The following GALNT10 variants were observed in gnomAD, a reference collection of about 807,000 sequenced individuals.
GALNT10 encodes the protein GalNAc transferase 10.
Under a neutral mutation model 75.0 loss-of-function variants are expected in GALNT10, and 41 were observed. The observed-to-expected ratio is 0.55, with a 90% confidence interval of 0.43 to 0.71. GALNT10 has a LOEUF of 0.71. Among genes scored for constraint, GALNT10 ranks in the 30% least tolerant of loss-of-function variants. The pLI is 0.00. For synonymous variants in GALNT10, 302 were observed against 313.0 expected (o/e 0.96, Z 0.37); for missense variants, 727 against 818.5 (o/e 0.89, Z 1.36).
chr5:154,298,672 G>A lies in GALNT10; in HGVS notation c.401+593G>A, dbSNP rs1444908188. ...GGTCATAACTCACTTAAGGCTATAAGTTGATTGACAGAATAAGACAGGCCT... is the reference window on the plus strand; with the variant it reads ...GGTCATAACTCACTTAAGGCTATAAATTGATTGACAGAATAAGACAGGCCT... On this transcript the variant is annotated intron_variant, in intron 3 of 11. Transcript: ENST00000297107. The surrounding 1 kb of genome is among the most constrained non-coding windows in gnomAD (Gnocchi z 4.1). Among the ~76,000 whole-genome samples the A allele has an allele frequency of 1.3e-5, 2 of 152,158 alleles. No homozygotes were observed. The highest frequency in any genetic ancestry group is 1.5e-5 in the Non-Finnish European group (1 of 68,032).
chr5:154,337,657 C>T (rs542898913), intron 4 of GALNT10: 4 of 1,002,446 alleles, frequency 4.0e-6, no homozygotes, highest in Non-Finnish European at 6.3e-6. Flanking sequence ...TTGTAGCTTC[C>T]ATCACCTCCA....
intron 3 of GALNT10, among the ~76,000 whole-genome samples, chr5:154,311,494 CTA>C (rs1427200933): frequency 6.6e-6 from 1 of 152,148 alleles, no homozygotes; most frequent in Non-Finnish European, 1.5e-5. Context: ...GTTCACACTG[CTA>C]GTAGAAGGCA....
chr5:154,199,780 G>T lies in GALNT10; in HGVS notation c.159+8755G>T, dbSNP rs189811393. ...TGTACTGGAGAGAGCAGAGGAGAGA[G>T]TGTGGAGTTGGGAACCAATGTGACC... On this transcript the variant is annotated intron_variant, in intron 1 of 11. Transcript: ENST00000297107. Among the ~76,000 whole-genome samples, 245 of 152,302 alleles carry T rather than the reference G, an allele frequency of 1.6e-3. 1 individual carries two copies. The highest frequency in any genetic ancestry group is 5.8e-3 in the African/African-American group (243 of 41,552).
chr5:154,190,795 G>A lies in GALNT10; in HGVS notation c.-72G>A. ...GGCTGAGCTGCTGCCGCCGCCGGGC[G>A]GACGGGCGGACGCGCGGAGCTGGGG... On this transcript the variant is annotated 5_prime_UTR_variant, in exon 1 of 12. Transcript: ENST00000297107. 1 of 803,136 alleles carries A rather than the reference G, an allele frequency of 1.2e-6. No individual in the cohort carries two copies. The allele number at this position is 803,136 out of a possible 1,614,324, so 49.8% of individuals were successfully genotyped here. A position where few individuals can be genotyped will look rare whatever the true frequency, so the allele number is the denominator to read the frequency against.
intron 1 of GALNT10, among the ~76,000 whole-genome samples, chr5:154,216,465 A>G (rs1180187135): frequency 6.6e-6 from 1 of 152,242 alleles, no homozygotes; most frequent in Non-Finnish European, 1.5e-5. Context: ...AACTAAAACC[A>G]AACAGAAAAC....
At position 154,376,547 on chromosome 5, in the gene GALNT10, T is replaced by C. The variant is rs558514393; in HGVS notation, c.754+85T>C. On this transcript the variant is annotated intron_variant, in intron 5 of 11. Transcript: ENST00000297107. The surrounding 1 kb of genome is among the most constrained non-coding windows in gnomAD (Gnocchi z 4.1). ...CCCTCCTGCTGCAGGGAGCCATCCA[T>C]AAGCCTTCCCTTGCCTGTTCGAGAT... 2.1e-6 allele frequency: 2 copies of C among 972,206 alleles called. No individual in the cohort carries two copies. Among genetic ancestry groups the C allele is most frequent in the East Asian group, 2.5e-5 (1 of 39,456 alleles). The allele number at this position is 972,206 out of a possible 1,614,324, so 60.2% of individuals were successfully genotyped here.
At chr5:154,349,173 G>C (rs566395292) in intron 4 of GALNT10, among the ~76,000 whole-genome samples, 2 of 151,962 alleles carry the variant, frequency 1.3e-5, no homozygotes, top group East Asian at 3.9e-4. Context: ...TAGTAAAGGA[G>C]GTTCCTTGGG....
intron 4 of GALNT10, among the ~76,000 whole-genome samples, chr5:154,371,563 TACACAC>T (rs796318005): frequency 9.8e-5 from 5 of 50,968 alleles, no homozygotes; most frequent in Non-Finnish European, 2.2e-4. Context: ...TGTGTGTGTG[TACACAC>T]ACACACACAC....
Position 154,404,291 on chromosome 5 carries a change from G to A in GALNT10, c.1164+80G>A, listed in dbSNP as rs1756228176. On this transcript the variant is annotated intron_variant, in intron 8 of 11. Coordinates refer to ENST00000297107, the MANE Select transcript of GALNT10 (RefSeq NM_198321.4). ...TGCACTGAGGCACCCTGGGGCCCTAGACTGTGTTATGTGATCTCTGGGTTT... is the reference window on the plus strand; with the variant it reads ...TGCACTGAGGCACCCTGGGGCCCTAAACTGTGTTATGTGATCTCTGGGTTT... 9 of 721,946 alleles carry A rather than the reference G, an allele frequency of 1.2e-5. No individual in the cohort carries two copies. In the South Asian group the frequency reaches 1.7e-4, roughly 13 times the overall value. 44.7% of individuals were successfully genotyped at this position (721,946 alleles called of 1,614,324 possible).
chr5:154,363,729 T>A (rs919662971), intron 4 of GALNT10, among the ~76,000 whole-genome samples: 1 of 152,096 alleles, frequency 6.6e-6, no homozygotes, highest in African/African-American at 2.4e-5. Context: ...GAGTGGTCAT[T>A]TTATTGATAA....
intron 10 of GALNT10, 60 bp downstream of exon 10, chr5:154,413,065 T>G (rs1582021190): frequency 9.3e-7 from 1 of 1,075,478 alleles, no homozygotes; most frequent in Non-Finnish European, 1.4e-6. Context: ...CAGCCTGGGG[T>G]GCTGACACGG....
intron 1 of GALNT10, among the ~76,000 whole-genome samples, chr5:154,206,674 A>G (rs1178546488): frequency 6.6e-6 from 1 of 152,254 alleles, no homozygotes; most frequent in African/African-American, 2.4e-5. Flanking sequence ...GATGGCAGGA[A>G]GCGGGGAGCC....
chr5:154,217,887 G>C, intron 1 of GALNT10: 1 of 411,538 alleles, frequency 2.4e-6, no homozygotes, highest in Non-Finnish European at 3.3e-6. Context: ...TTAATTTTTT[G>C]GTGTTTGGAG....
At chr5:154,302,431 G>T (rs774440955) in intron 3 of GALNT10, among the ~76,000 whole-genome samples, 1 of 152,222 alleles carries the variant, frequency 6.6e-6, no homozygotes, top group Non-Finnish European at 1.5e-5. Flanking sequence ...ACAGTGGCTG[G>T]CTGGTGGGCT....
intron 1 of GALNT10, among the ~76,000 whole-genome samples, chr5:154,225,305 A>G (rs1388525265): frequency 2.0e-5 from 3 of 149,666 alleles, no homozygotes; most frequent in Non-Finnish European, 3.0e-5. Context: ...TGTTAGCCAG[A>G]ATCGTCTCGA....
At chr5:154,193,213 C>G (rs1010048469) in intron 1 of GALNT10, among the ~76,000 whole-genome samples, 1 of 152,196 alleles carries the variant, frequency 6.6e-6, no homozygotes, top group Non-Finnish European at 1.5e-5. Context: ...CTCTTTGCTT[C>G]ATGGGAGCAG....
chr5:154,215,822 C>T (rs1050535312), intron 1 of GALNT10, among the ~76,000 whole-genome samples: 16 of 152,176 alleles, frequency 1.1e-4, no homozygotes, highest in Admixed American at 9.8e-4. Flanking sequence ...GCAGAAGCTA[C>T]TGAGTTATTA....
chr5:154,234,264 A>T (rs1753210759), intron 1 of GALNT10, among the ~76,000 whole-genome samples: 1 of 152,172 alleles, frequency 6.6e-6, no homozygotes, highest in Admixed American at 6.5e-5. Flanking sequence ...CATCAACATC[A>T]GATCCCACAA....
At chr5:154,233,857 G>C (rs1451190936) in intron 1 of GALNT10, among the ~76,000 whole-genome samples, 1 of 152,158 alleles carries the variant, frequency 6.6e-6, no homozygotes, top group East Asian at 1.9e-4. Context: ...TCGTGGGTTA[G>C]AATTGCTGTG....
Sources: allele counts gnomAD v4.1 joint callset (sites outside exome capture counted in the v4.1 genomes callset), GRCh38; gene constraint gnomAD v4.1.1; non-coding constraint Gnocchi (gnomAD v3.1); transcripts MANE v1.5; gene names NCBI Gene and HGNC (gene_info 2026-07-23, HGNC 2026-07-21).